The following DDHD1 variants were observed in gnomAD, a reference collection of about 807,000 sequenced individuals.
The protein encoded by DDHD1 is DDHD domain containing 1.
DDHD1 carries 49 observed loss-of-function variants against 96.4 expected under a neutral mutation model. That is an observed-to-expected ratio of 0.51 (90% confidence interval 0.40 to 0.64). DDHD1 has a LOEUF of 0.64. DDHD1 is among the 30% of genes least tolerant of loss of function. DDHD1 has a pLI of 0.00. For missense variants in DDHD1, 1,106 were observed against 1,161.2 expected (o/e 0.95, Z 0.69); for synonymous variants, 442 against 446.5 (o/e 0.99, Z 0.13).
intron 10 of DDHD1, 129 bp downstream of exon 10, chr14:53,055,531 G>T: frequency 1.2e-6 from 1 of 862,418 alleles, no homozygotes; most frequent in Non-Finnish European, 1.8e-6. Flanking sequence ...ACATTGGGAG[G>T]GTAGTTAATT....
intron 1 of DDHD1, among the ~76,000 whole-genome samples, chr14:53,135,474 T>C (rs1472805936): frequency 6.6e-6 from 1 of 152,224 alleles, no homozygotes; most frequent in Non-Finnish European, 1.5e-5. Context: ...TCAGCCCAAC[T>C]GCACCCAGGT....
chr14:53,073,428 C>T lies in DDHD1; in HGVS notation c.1396+313G>A, dbSNP rs113020630. ...TTTTAAAGTACTGACAAATCAACTT[C>T]GTGTCAAAAACTTTAGAAAACATTT... On this transcript the variant is annotated intron_variant, in intron 5 of 12. Coordinates refer to ENST00000673822, the MANE Select transcript of DDHD1 (RefSeq NM_001160148.2). Among the ~76,000 whole-genome samples, 38 of 152,084 alleles carry T rather than the reference C, an allele frequency of 2.5e-4. 1 individual carries two copies. The highest frequency in any genetic ancestry group is 8.9e-4 in the African/African-American group (37 of 41,538).
At chr14:53,139,716 CA>C (rs2139875788) in intron 1 of DDHD1, among the ~76,000 whole-genome samples, 1 of 151,468 alleles carries the variant, frequency 6.6e-6, no homozygotes, top group East Asian at 1.9e-4. Context: ...AACAAAAAAA[CA>C]AAAAACAAGG....
intron 2 of DDHD1, among the ~76,000 whole-genome samples, chr14:53,102,051 G>C (rs1887339578): frequency 6.6e-6 from 1 of 151,852 alleles, no homozygotes; most frequent in Non-Finnish European, 1.5e-5. Flanking sequence ...TGGCTAAACT[G>C]GGTTTGTGAT....
intron 4 of DDHD1, among the ~76,000 whole-genome samples, chr14:53,080,578 A>G (rs186251524): frequency 2.2e-4 from 34 of 152,046 alleles, no homozygotes; most frequent in Non-Finnish European, 2.6e-4. Flanking sequence ...CCTAGACAAT[A>G]TATTTATCAA....
At chr14:53,129,184 G>A (rs928906776) in intron 1 of DDHD1, among the ~76,000 whole-genome samples, 12 of 152,202 alleles carry the variant, frequency 7.9e-5, no homozygotes, top group East Asian at 1.9e-4. Context: ...ATTTGGTGCC[G>A]AAGACCCGGG....
chr14:53,109,871 A>G (rs989039566), intron 1 of DDHD1, among the ~76,000 whole-genome samples: 1 of 152,204 alleles, frequency 6.6e-6, no homozygotes, highest in Non-Finnish European at 1.5e-5. Context: ...TTTCTACTAC[A>G]TAATACAACC....
At position 53,103,708 on chromosome 14, in the gene DDHD1, C is replaced by T; in HGVS notation, c.987G>A (p.Val329=). 6.2e-7 allele frequency: 1 copy of T among 1,611,278 alleles called. No homozygotes were observed. The highest frequency in any genetic ancestry group is 8.5e-7 in the Non-Finnish European group (1 of 1,179,114). Reference sequence around the variant, plus strand: ...CATCTTTTCCATCTATGGATTTTGACACTTCAATATCGAAATTTTCCTGCA... The same window carrying T: ...CATCTTTTCCATCTATGGATTTTGATACTTCAATATCGAAATTTTCCTGCA... ...QQMQENFDIE[V]SKSIDGKDAV... Residue 329 remains valine, a synonymous_variant, in exon 2 of 13, where the codon GTG becomes GTA. Coordinates refer to ENST00000673822, the MANE Select transcript of DDHD1 (RefSeq NM_001160148.2).
At chr14:53,114,043 G>A (rs549613606) in intron 1 of DDHD1, among the ~76,000 whole-genome samples, 72 of 152,294 alleles carry the variant, frequency 4.7e-4, no homozygotes, top group Middle Eastern at 6.8e-3. Flanking sequence ...GGGGAGGGGC[G>A]TCCACCATTA....
At position 53,152,484 on chromosome 14, in the gene DDHD1, G is replaced by A; in HGVS notation, c.615C>T (p.Pro205=). ...RTLLQTTGAR[P]QGGDRDGDHV... is the part of the protein sequence containing the mutation. ...GGTCGCCGTCCCGGTCCCCGCCCTGGGGCCGGGCACCCGTGGTCTGCAGCA... is the reference window on the plus strand; with the variant it reads ...GGTCGCCGTCCCGGTCCCCGCCCTGAGGCCGGGCACCCGTGGTCTGCAGCA... Residue 205 remains proline, a synonymous_variant, in exon 1 of 13, where the codon CCC becomes CCT. Coordinates refer to ENST00000673822, the MANE Select transcript of DDHD1 (RefSeq NM_001160148.2). The A allele has an allele frequency of 6.2e-7, 1 of 1,613,078 alleles. No individual in the cohort carries two copies. Among genetic ancestry groups the A allele is most frequent in the Non-Finnish European group, 8.5e-7 (1 of 1,179,726 alleles).
intron 1 of DDHD1, among the ~76,000 whole-genome samples, chr14:53,151,117 A>T (rs1389409941): frequency 1.3e-5 from 2 of 152,218 alleles, no homozygotes; most frequent in Non-Finnish European, 2.9e-5. Context: ...GTTATTGAAT[A>T]TATATTGCAC....
intron 7 of DDHD1, 88 bp from the exon 8 acceptor site, chr14:53,061,289 G>A (rs1030755417): frequency 6.6e-6 from 7 of 1,059,770 alleles, no homozygotes; most frequent in Admixed American, 5.8e-5. Context: ...GTATAAAGAC[G>A]CAGATGATGG....
At position 53,042,326 on chromosome 14, in the gene DDHD1, A is replaced by G. The variant is rs1409199891; in HGVS notation, c.*4442T>C. On this transcript the variant is annotated 3_prime_UTR_variant, in exon 13 of 13. Coordinates refer to ENST00000673822, the MANE Select transcript of DDHD1 (RefSeq NM_001160148.2). The stretch of plus-strand genomic sequence containing the variant: ...TGTTAATATTTGCAGAATATTATTG[A>G]GAAAAGAATGGTCTCTATGCCCCTT... 1.3e-5 allele frequency: 2 copies of G among 152,190 alleles called. No homozygotes were observed. The highest frequency in any genetic ancestry group is 4.8e-5 in the African/African-American group (2 of 41,440). 9.4% of individuals were successfully genotyped at this position (152,190 alleles called of 1,614,324 possible).
At chr14:53,049,244 T>C (rs1388197508) in intron 12 of DDHD1, among the ~76,000 whole-genome samples, 4 of 152,234 alleles carry the variant, frequency 2.6e-5, no homozygotes, top group African/African-American at 7.2e-5. Flanking sequence ...CCATCTATCC[T>C]TCCATATTTA....
intron 1 of DDHD1, among the ~76,000 whole-genome samples, chr14:53,131,401 T>C (rs1034918752): frequency 9.7e-4 from 148 of 152,302 alleles, no homozygotes; most frequent in African/African-American, 3.3e-3. Context: ...CACAACAGGC[T>C]TTGAAGGGAA....
At chr14:53,051,143 GA>G (rs1882526698) in intron 12 of DDHD1, among the ~76,000 whole-genome samples, 1 of 142,078 alleles carries the variant, frequency 7.0e-6, no homozygotes, top group African/African-American at 2.6e-5. Flanking sequence ...AACATTAAAA[GA>G]AAAAAAATCC....
At chr14:53,150,875 G>T (rs1277459803) in intron 1 of DDHD1, among the ~76,000 whole-genome samples, 1 of 152,116 alleles carries the variant, frequency 6.6e-6, no homozygotes, top group Non-Finnish European at 1.5e-5. Flanking sequence ...CCTGCCTTTA[G>T]TGAGTATATA....
intron 10 of DDHD1, 22 bp from the exon 11 acceptor site, chr14:53,054,651 A>G: frequency 6.2e-7 from 1 of 1,608,096 alleles, no homozygotes; most frequent in South Asian, 1.1e-5. Context: ...AAAGCAGGGT[A>G]GTCATTCTGT....
intron 1 of DDHD1, among the ~76,000 whole-genome samples, chr14:53,137,085 C>CA (rs1890293948): frequency 4.6e-5 from 7 of 151,338 alleles, no homozygotes; most frequent in Admixed American, 2.6e-4. Context: ...ACAGAAGATA[C>CA]AAAAAAATAC....
Sources: gnomAD v4.1 joint callset for allele counts (sites outside exome capture counted in the v4.1 genomes callset) on GRCh38, gnomAD v4.1.1 for gene constraint, MANE v1.5 for transcripts, NCBI Gene and HGNC (gene_info 2026-07-23, HGNC 2026-07-21) for gene names.